Variants in SORCS2 observed in about 807,000 individuals in gnomAD.
SORCS2 encodes VPS10 domain-containing receptor SorCS2.
In SORCS2, 100 loss-of-function variants were observed where a neutral mutation model predicts 141.6. The observed-to-expected ratio is 0.71, with a 90% CI of 0.60 to 0.83. The LOEUF (loss-of-function observed/expected upper bound fraction) is 0.83. SORCS2 is among the 40% of genes least tolerant of loss of function. The pLI, the probability that SORCS2 is intolerant of heterozygous loss-of-function variation, is 0.00. For synonymous variants in SORCS2, 789 were observed against 676.9 expected, an observed-to-expected ratio of 1.17 and a Z score of -2.57; for missense variants, 1,646 against 1,560.2, an observed-to-expected ratio of 1.05 and a Z score of -0.93.
At position 7,740,322 on chromosome 4, in the gene SORCS2, GGC is replaced by G. The variant is rs1712563552; in HGVS notation, c.*60_*61del. 6.5e-7 allele frequency: 1 copy of G among 1,530,680 alleles called. No homozygotes were observed. Among genetic ancestry groups the G allele is most frequent in the Admixed American group, 1.7e-5 (1 of 57,236 alleles). The allele number at this position is 1,530,680 out of a possible 1,614,324, so 94.8% of individuals were successfully genotyped here. A position where few individuals can be genotyped will look rare whatever the true frequency, so the allele number is the denominator to read the frequency against. ...AGGGCACAGAACCACCAGCAAAGCC[GGC>G]GGCTGGACTGGCGCCCCTCAGAGAC... On this transcript the variant is annotated 3_prime_UTR_variant, in exon 27 of 27. Transcript: ENST00000507866.
intron 1 of SORCS2, among the ~76,000 whole-genome samples, chr4:7,283,264 C>T (rs568516580): frequency 2.0e-5 from 3 of 152,268 alleles, no homozygotes; most frequent in Admixed American, 6.5e-5. Flanking sequence ...GGAGGAAGTT[C>T]GAGGACAGTT....
intron 12 of SORCS2, 107 bp from the exon 13 acceptor site, chr4:7,703,173 C>T: frequency 2.3e-6 from 2 of 874,858 alleles, no homozygotes; most frequent in Non-Finnish European, 1.7e-6. Context: ...CCTCTGCCAA[C>T]AACCCCCGGC....
At chr4:7,691,194 T>G (rs747303862) in intron 11 of SORCS2, among the ~76,000 whole-genome samples, 17 of 152,224 alleles carry the variant, frequency 1.1e-4, no homozygotes, top group Admixed American at 4.6e-4. Context: ...AAGGACCATA[T>G]GGATGTGGAC....
chr4:7,687,683 G>C (rs1723963627), intron 10 of SORCS2, among the ~76,000 whole-genome samples: 1 of 152,130 alleles, frequency 6.6e-6, no homozygotes. Flanking sequence ...CCTTTCAGCT[G>C]AATTTTCAAC....
chr4:7,525,003 G>A (rs527482184), intron 2 of SORCS2, among the ~76,000 whole-genome samples: 1 of 152,334 alleles, frequency 6.6e-6, no homozygotes, highest in Admixed American at 6.5e-5. Context: ...AGCTTAACTC[G>A]GGTCCTCCTT....
At chr4:7,564,017 T>C (rs1714782513) in intron 3 of SORCS2, among the ~76,000 whole-genome samples, 1 of 152,252 alleles carries the variant, frequency 6.6e-6, no homozygotes, top group African/African-American at 2.4e-5. Context: ...CCACATTGGG[T>C]ATTTTTGCAT....
intron 2 of SORCS2, among the ~76,000 whole-genome samples, chr4:7,455,870 C>A (rs1728875428): frequency 6.6e-6 from 1 of 152,188 alleles, no homozygotes; most frequent in Non-Finnish European, 1.5e-5. Context: ...GCGTCACATG[C>A]TGTGCTGGTA....
chr4:7,276,699 A>G (rs1715522554), intron 1 of SORCS2, among the ~76,000 whole-genome samples: 1 of 152,208 alleles, frequency 6.6e-6, no homozygotes, highest in Admixed American at 6.5e-5. Flanking sequence ...CCGGACTTCC[A>G]GATGAAATCT....
chr4:7,265,831 C>G (rs1179182246), intron 1 of SORCS2, among the ~76,000 whole-genome samples: 21 of 152,158 alleles, frequency 1.4e-4, no homozygotes, highest in Admixed American at 1.4e-3. Context: ...GCTGTGGTGC[C>G]GTCCACTGCT....
intron 1 of SORCS2, among the ~76,000 whole-genome samples, chr4:7,349,445 C>T (rs900524612): frequency 1.8e-4 from 27 of 152,148 alleles, no homozygotes; most frequent in Non-Finnish European, 1.3e-4. Flanking sequence ...GGGTGTCCTG[C>T]GCCAGGCTGC....
At chr4:7,402,181 A>G (rs1269031756) in intron 2 of SORCS2, among the ~76,000 whole-genome samples, 5 of 152,118 alleles carry the variant, frequency 3.3e-5, no homozygotes, top group Non-Finnish European at 7.4e-5. Flanking sequence ...ATCAATGTCA[A>G]CTTTTTCCAT....
chr4:7,322,871 G>A (rs1718985231), intron 1 of SORCS2, among the ~76,000 whole-genome samples: 1 of 152,148 alleles, frequency 6.6e-6, no homozygotes, highest in Non-Finnish European at 1.5e-5. Context: ...ACCAGCTGCG[G>A]CTCCTCAGCC....
Position 7,286,558 on chromosome 4 carries a change from G to T in SORCS2, c.480+93432G>T, listed in dbSNP as rs1245341943. On this transcript the variant is annotated intron_variant, in intron 1 of 26. Transcript: ENST00000507866. This position sits in a 1 kb window ranked among gnomAD's most constrained non-coding sequence, Gnocchi z 4.1. ...GCACTGGAGCTGGGGTCGGTCCCAG[G>T]ACCAGAAGGGACATGGTCCCATTCG... Among the ~76,000 whole-genome samples, 1 of 152,194 alleles carries T rather than the reference G, an allele frequency of 6.6e-6. No individual in the cohort carries two copies. The highest frequency in any genetic ancestry group is 1.5e-5 in the Non-Finnish European group (1 of 68,044).
chr4:7,255,433 C>T (rs7686843), intron 1 of SORCS2, among the ~76,000 whole-genome samples: 52,365 of 151,870 alleles, frequency 0.34, 9,195 homozygotes, highest in East Asian at 0.39. Context: ...AGCGAATTGT[C>T]AGGGAGTGTG....
intron 1 of SORCS2, among the ~76,000 whole-genome samples, chr4:7,295,445 C>T (rs1047638184): frequency 1.3e-5 from 2 of 152,056 alleles, no homozygotes; most frequent in African/African-American, 2.4e-5. Flanking sequence ...GGCTTGGTGC[C>T]CTGTTCCTCG....
intron 3 of SORCS2, among the ~76,000 whole-genome samples, chr4:7,630,753 G>A (rs1167275161): frequency 1.3e-5 from 2 of 152,206 alleles, no homozygotes; most frequent in African/African-American, 2.4e-5. Context: ...GGTGGAGGCT[G>A]CAGTGTTTGT....
chr4:7,388,121 CAT>C (rs1448911255), intron 1 of SORCS2, among the ~76,000 whole-genome samples: 4 of 152,000 alleles, frequency 2.6e-5, no homozygotes, highest in Non-Finnish European at 4.4e-5. Context: ...CATGCACACA[CAT>C]GTGCACACAG....
intron 2 of SORCS2, among the ~76,000 whole-genome samples, chr4:7,503,038 G>C (rs1015759480): frequency 6.6e-6 from 1 of 152,202 alleles, no homozygotes; most frequent in African/African-American, 2.4e-5. Context: ...GAGCAGAGAG[G>C]CCCTGCCAGC....
intron 12 of SORCS2, among the ~76,000 whole-genome samples, chr4:7,698,445 C>A (rs541289165): frequency 1.2e-3 from 183 of 152,220 alleles, no homozygotes; most frequent in African/African-American, 4.3e-3. Context: ...AGGGCAAAGG[C>A]GATTTATTGT....
Sources: allele counts gnomAD v4.1 joint callset (sites outside exome capture counted in the v4.1 genomes callset), GRCh38; gene constraint gnomAD v4.1.1; non-coding constraint Gnocchi (gnomAD v3.1); transcripts MANE v1.5; gene names NCBI Gene and HGNC (gene_info 2026-07-23, HGNC 2026-07-21).